Variants in NOVA1 observed in about 807,000 individuals in gnomAD.
NOVA1 encodes the protein NOVA alternative splicing regulator 1, also known as RNA-binding protein Nova-1.
A neutral mutation model predicts 38.0 loss-of-function variants in NOVA1; 7 were observed. The observed-to-expected ratio is 0.18, with a 90% CI of 0.10 to 0.35. The LOEUF (loss-of-function observed/expected upper bound fraction) is 0.35. Among genes scored for constraint, NOVA1 ranks in the 10% least tolerant of loss-of-function variants. The pLI is 1.00. For synonymous variants in NOVA1, 270 were observed against 232.5 expected, an observed-to-expected ratio of 1.16 and a Z score of -1.47; for missense variants, 460 against 616.0, an observed-to-expected ratio of 0.75 and a Z score of 2.68.
intron 2 of NOVA1, among the ~76,000 whole-genome samples, chr14:26,586,741 G>C (rs991555950): frequency 6.6e-6 from 1 of 151,074 alleles, no homozygotes; most frequent in African/African-American, 2.4e-5. Flanking sequence ...ATTAAGGAAA[G>C]AGAGAAAATG....
chr14:26,454,738 TCTTAAA>T (rs1883013890), intron 4 of NOVA1, among the ~76,000 whole-genome samples: 1 of 152,198 alleles, frequency 6.6e-6, no homozygotes, highest in African/African-American at 2.4e-5. Flanking sequence ...TCATTTTATC[TCTTAAA>T]CTTAATAGTC....
intron 2 of NOVA1, among the ~76,000 whole-genome samples, chr14:26,589,844 G>A (rs186540574): frequency 1.9e-4 from 29 of 151,826 alleles, no homozygotes; most frequent in Non-Finnish European, 3.8e-4. Context: ...TATTAAAGAC[G>A]TAGGAAAGCT....
intron 3 of NOVA1, 144 bp downstream of exon 3, chr14:26,479,833 T>A: frequency 1.3e-6 from 1 of 778,032 alleles, no homozygotes; most frequent in Middle Eastern, 3.5e-4. Flanking sequence ...ACCTTGATAG[T>A]CTTTAAATAA....
chr14:26,556,137 A>G (rs1449085101), intron 2 of NOVA1, among the ~76,000 whole-genome samples: 1 of 152,160 alleles, frequency 6.6e-6, no homozygotes, highest in Non-Finnish European at 1.5e-5. Flanking sequence ...GTTATTTGGC[A>G]GATATCAATT....
intron 3 of NOVA1, among the ~76,000 whole-genome samples, chr14:26,475,706 A>G (rs1884931146): frequency 6.6e-6 from 1 of 152,212 alleles, no homozygotes; most frequent in African/African-American, 2.4e-5. Context: ...ACAATTTTAA[A>G]ACAGTGGATC....
intron 4 of NOVA1, among the ~76,000 whole-genome samples, chr14:26,455,644 T>C (rs531265741): frequency 1.3e-5 from 2 of 151,832 alleles, no homozygotes; most frequent in South Asian, 4.1e-4. Flanking sequence ...TTATTCAAAA[T>C]TTAAAGATAT....
intron 4 of NOVA1, among the ~76,000 whole-genome samples, chr14:26,466,588 G>C (rs909264762): frequency 1.3e-5 from 2 of 152,136 alleles, no homozygotes; most frequent in Non-Finnish European, 2.9e-5. Context: ...TAATAATTCT[G>C]CACATGTGAG....
intron 2 of NOVA1, among the ~76,000 whole-genome samples, chr14:26,580,637 T>C (rs1401799133): frequency 1.3e-5 from 2 of 152,180 alleles, no homozygotes; most frequent in South Asian, 2.1e-4. Context: ...GGAAAACTCA[T>C]TCTTATCTAT....
At chr14:26,456,840 CA>C (rs575661447) in intron 4 of NOVA1, among the ~76,000 whole-genome samples, 23 of 151,582 alleles carry the variant, frequency 1.5e-4, no homozygotes, top group Non-Finnish European at 3.2e-4. Flanking sequence ...GTTTATAAGT[CA>C]AAACACTAAA....
chr14:26,526,368 T>C (rs1594467321), intron 2 of NOVA1, among the ~76,000 whole-genome samples: 2 of 152,308 alleles, frequency 1.3e-5, no homozygotes, highest in East Asian at 3.9e-4. Context: ...TCTTATAATT[T>C]CAAGGCTGAT....
In NOVA1 at chr14:26,595,525, G is replaced by A. The variant is rs773398660; in HGVS notation, c.165C>T (p.Leu55=). The A allele has an allele frequency of 6.2e-7, 1 of 1,613,534 alleles. No homozygotes were observed. Among genetic ancestry groups the A allele is most frequent in the Admixed American group, 1.7e-5 (1 of 59,954 alleles). The change falls in exon 2 of 5, where the codon CTC becomes CTT. Residue 55 remains leucine (L), a synonymous_variant. Coordinates refer to ENST00000539517, the MANE Select transcript of NOVA1 (RefSeq NM_002515.3). ...TAGATCCAGCAGCATAACTAGGTAT[G>A]AGAACCTTTAGAAAATACTGGCCGT... ...GEDGQYFLKV[L]IPSYAAGSII...
chr14:26,575,059 C>A (rs1428215706), intron 2 of NOVA1, among the ~76,000 whole-genome samples: 1 of 152,148 alleles, frequency 6.6e-6, no homozygotes, highest in South Asian at 2.1e-4. Flanking sequence ...ACACGTACTA[C>A]TGTTTAGGAG....
At position 26,486,732 on chromosome 14, in the gene NOVA1, C is replaced by CAAA. The variant is rs971860959; in HGVS notation, c.281-6592_281-6590dup. On this transcript the variant is annotated intron_variant, in intron 2 of 4. Transcript: ENST00000539517. ...AAAAAAAAAAAAAAAGCCAAACAAACAAAAAAAAAACCAAGTAGTTTTCTT... is the reference window on the plus strand; with the variant it reads ...AAAAAAAAAAAAAAAGCCAAACAAACAAAAAAAAAAAAACCAAGTAGTTTTCTT... Among the ~76,000 whole-genome samples, 6 of 69,446 alleles carry CAAA rather than the reference C, an allele frequency of 8.6e-5. No individual in the cohort carries two copies. In the Admixed American group the frequency reaches 8.9e-4, roughly 10 times the overall value. The allele number at this position is 69,446 out of a possible 152,430, so 45.6% of individuals were successfully genotyped here.
chr14:26,466,156 G>A (rs986373852), intron 4 of NOVA1, among the ~76,000 whole-genome samples: 1 of 152,166 alleles, frequency 6.6e-6, no homozygotes, highest in African/African-American at 2.4e-5. Context: ...TATGCCTGAT[G>A]TCTGCAAGGG....
chr14:26,488,140 A>C (rs1886062313), intron 2 of NOVA1, among the ~76,000 whole-genome samples: 1 of 152,194 alleles, frequency 6.6e-6, no homozygotes, highest in Non-Finnish European at 1.5e-5. Context: ...CTACACAATT[A>C]TCTCTCTACT....
At chr14:26,460,184 A>G (rs1398862601) in intron 4 of NOVA1, among the ~76,000 whole-genome samples, 1 of 152,004 alleles carries the variant, frequency 6.6e-6, no homozygotes, top group Non-Finnish European at 1.5e-5. Flanking sequence ...TAAAATAAAG[A>G]TATTTCAGTA....
chr14:26,493,114 A>C (rs1886479993), intron 2 of NOVA1, among the ~76,000 whole-genome samples: 1 of 152,118 alleles, frequency 6.6e-6, no homozygotes, highest in African/African-American at 2.4e-5. Flanking sequence ...AACACAATGG[A>C]GTATCTTATT....
At chr14:26,511,670 TGAACCTGGG>T (rs2138456135) in intron 2 of NOVA1, among the ~76,000 whole-genome samples, 1 of 152,002 alleles carries the variant, frequency 6.6e-6, no homozygotes, top group East Asian at 1.9e-4. Context: ...GAGAATCGCT[TGAACCTGGG>T]AGGCAGAGGT....
chr14:26,558,820 A>T (rs192057656), intron 2 of NOVA1, among the ~76,000 whole-genome samples: 5 of 152,282 alleles, frequency 3.3e-5, no homozygotes, highest in African/African-American at 7.2e-5. Context: ...TTATATTTTT[A>T]AAAATATTCA....
Sources: gnomAD v4.1 joint callset for allele counts (sites outside exome capture counted in the v4.1 genomes callset) on GRCh38, gnomAD v4.1.1 for gene constraint, MANE v1.5 for transcripts, NCBI Gene and HGNC (gene_info 2026-07-23, HGNC 2026-07-21) for gene names.